TREML2: variants seen among roughly 807,000 people sequenced by gnomAD.
TREML2 encodes the protein triggering receptor expressed on myeloid cells like 2, also known as trem-like transcript 2 protein.
In TREML2, 24 loss-of-function variants were observed where a neutral mutation model predicts 25.9. That is an observed-to-expected ratio of 0.93 (90% CI 0.67 to 1.30). TREML2 has a LOEUF of 1.30. Ranked by LOEUF, TREML2 falls within the 50% of genes most tolerant of loss-of-function variation. The probability of loss-of-function intolerance (pLI) is 0.00; values close to 1 mark genes in which losing one functional copy is unlikely to be tolerated. For missense variants in TREML2, 359 were observed against 395.6 expected (o/e 0.91, Z 0.78); for synonymous variants, 139 against 155.2 (o/e 0.90, Z 0.77).
chr6:41,193,420 C>G (rs1343067862), intron 3 of TREML2, among the ~76,000 whole-genome samples: 1 of 152,134 alleles, frequency 6.6e-6, no homozygotes, highest in East Asian at 1.9e-4. Flanking sequence ...TACTGATAAC[C>G]AATTGGAGTT....
In TREML2 at chr6:41,198,325, C is replaced by A. The variant is rs147506354; in HGVS notation, c.160G>T (p.Val54Phe). 1,560 of 1,614,116 alleles carry A rather than the reference C, an allele frequency of 9.7e-4. 3 individuals are homozygous for A. Among genetic ancestry groups the A allele is most frequent in the Non-Finnish European group, 1.2e-3 (1,445 of 1,180,058 alleles). Residue 54 changes from valine to phenylalanine, a missense_variant, in exon 2 of 5, where the codon GTT (valine) becomes TTT (phenylalanine). Val to Phe is a conservative substitution (Grantham distance 50). Coordinates refer to ENST00000483722, the MANE Select transcript of TREML2 (RefSeq NM_024807.4). Reference sequence around the variant, plus strand: ...TTCTTCTTCCTGATTTTGCACCAAACCTTGCCCTCCACGCGGTTTTTGTAG... The same window carrying A: ...TTCTTCTTCCTGATTTTGCACCAAAACTTGCCCTCCACGCGGTTTTTGTAG... ...KGYKNRVEGK[V>F]WCKIRKKKCE...
At chr6:41,193,245 C>A (rs567494341) in intron 3 of TREML2, among the ~76,000 whole-genome samples, 1 of 152,244 alleles carries the variant, frequency 6.6e-6, no homozygotes, top group African/African-American at 2.4e-5. Flanking sequence ...CCTGTTCCCC[C>A]ACTCTATCCT....
chr6:41,192,397 A>T lies in TREML2; in HGVS notation c.*30T>A. The T allele has an allele frequency of 6.3e-7, 1 of 1,595,514 alleles. No individual in the cohort carries two copies. The highest frequency in any genetic ancestry group is 8.6e-7 in the Non-Finnish European group (1 of 1,164,280). On this transcript the variant is annotated 3_prime_UTR_variant, in exon 5 of 5. Transcript: ENST00000483722. Reference sequence around the variant, plus strand: ...TCTAACCCCCTGGGGCCACTCTGGGAGAAGCTCCCCACCCCATGCTTAAGT... The same window carrying T: ...TCTAACCCCCTGGGGCCACTCTGGGTGAAGCTCCCCACCCCATGCTTAAGT...
At chr6:41,192,995 C>A in intron 3 of TREML2, 94 bp from the exon 4 acceptor site, 1 of 1,034,514 alleles carries the variant, frequency 9.7e-7, no homozygotes, top group Non-Finnish European at 1.4e-6. Flanking sequence ...ACCCTGAGAG[C>A]GTGCCCTTCC....
rs1766040309 is a variant in TREML2 at position 41,190,774 on chromosome 6, A to G, written c.*1653T>C. On this transcript the variant is annotated 3_prime_UTR_variant, in exon 5 of 5. Coordinates refer to ENST00000483722, the MANE Select transcript of TREML2 (RefSeq NM_024807.4). Reference sequence around the variant, plus strand: ...AAGTTCTCTCCTAGTATACAACAGGATGGTGGCTACACCGTCATGATAGGG... The same window carrying G: ...AAGTTCTCTCCTAGTATACAACAGGGTGGTGGCTACACCGTCATGATAGGG... 1 of 152,218 alleles carries G rather than the reference A, an allele frequency of 6.6e-6. No homozygotes were observed. Among genetic ancestry groups the G allele is most frequent in the Admixed American group, 6.5e-5 (1 of 15,282 alleles). 9.4% of individuals were successfully genotyped at this position (152,218 alleles called of 1,614,324 possible).
At chr6:41,199,818 A>T (rs1206466752) in intron 1 of TREML2, among the ~76,000 whole-genome samples, 1 of 152,232 alleles carries the variant, frequency 6.6e-6, no homozygotes, top group Non-Finnish European at 1.5e-5. Context: ...TAGTGGTGTG[A>T]TTAGGTCACC....
rs11271583 is a variant in TREML2, at chr6:41,190,851, G to GTGTCTGTCTGTCTGTCTGTC, written c.*1556_*1575dup. ...GCTAGACAGAGATGGGTGTGTGTGC[G>GTGTCTGTCTGTCTGTCTGTC]TGTCTGTCTGTCTGTCTGTCTGTCT... On this transcript the variant is annotated 3_prime_UTR_variant, in exon 5 of 5. Transcript: ENST00000483722. 2.6e-5 allele frequency: 4 copies of GTGTCTGTCTGTCTGTCTGTC among 151,274 alleles called. No homozygotes were observed. The highest frequency in any genetic ancestry group is 9.8e-5 in the African/African-American group (4 of 40,678). 9.4% of individuals were successfully genotyped at this position (151,274 alleles called of 1,614,324 possible).
rs759022688 is a variant in TREML2, at chr6:41,194,792, T to C, written c.418A>G (p.Asn140Asp). The part of the protein sequence containing the change: ...ERNIPFTHLD[N>D]ILKSGTVTTG... Reference sequence around the variant, plus strand: ...GTGACAGTTCCACTCTTGAGGATGTTGTCCAGATGTGTGAAAGGAATGTTC... The same window carrying C: ...GTGACAGTTCCACTCTTGAGGATGTCGTCCAGATGTGTGAAAGGAATGTTC... The change falls in exon 3 of 5, where the codon AAC (asparagine) becomes GAC (aspartate). Residue 140 changes from asparagine to aspartate, a missense_variant. Physicochemically the swap from Asn to Asp is conservative, Grantham distance 23. Transcript: ENST00000483722. 4.4e-6 allele frequency: 7 copies of C among 1,591,978 alleles called. No homozygotes were observed. In the East Asian group the frequency reaches 1.3e-4, roughly 31 times the overall value.
chr6:41,194,312 G>A, intron 3 of TREML2, 113 bp downstream of exon 3: 1 of 1,102,052 alleles, frequency 9.1e-7, no homozygotes, highest in Non-Finnish European at 1.3e-6. Flanking sequence ...TCAGAAGCAG[G>A]CCACATTGGG....
At position 41,192,862 on chromosome 6, in the gene TREML2, C is replaced by A. The variant is rs1289777606; in HGVS notation, c.825G>T (p.Leu275=). Residue 275 remains leucine, a synonymous_variant, in exon 4 of 5, where the codon CTG becomes CTT. Transcript: ENST00000483722. Reference sequence around the variant, plus strand: ...TGATCAGCATCAGCACCAGGAGGGTCAGCACCACCCCAAGCACAGTGGAGT... The same window carrying A: ...TGATCAGCATCAGCACCAGGAGGGTAAGCACCACCCCAAGCACAGTGGAGT... ...DVYSTVLGVV[L]TLLVLMLIMV... is the part of the protein sequence containing the mutation. 6 of 1,604,052 alleles carry A rather than the reference C, an allele frequency of 3.7e-6. No individual in the cohort carries two copies. In the African/African-American group the frequency reaches 4.0e-5, roughly 11 times the overall value.
intron 1 of TREML2, among the ~76,000 whole-genome samples, chr6:41,199,064 A>G (rs910336634): frequency 3.3e-5 from 5 of 152,128 alleles, no homozygotes; most frequent in African/African-American, 9.7e-5. Context: ...GGATTTCACC[A>G]TGTTAGCCAG....
Position 41,198,438 on chromosome 6 carries a change from A to G in TREML2, c.56-9T>C, listed in dbSNP as rs1264480368. The G allele has an allele frequency of 5.6e-6, 9 of 1,599,222 alleles. No individual in the cohort carries two copies. In the East Asian group the frequency reaches 2.0e-4, roughly 36 times the overall value. ...ACTGTCAGCAGAGGGGCCTGTGGAG[A>G]CAATACTTATTGAATAAGGTCTGGC... On this transcript the variant is annotated splice_polypyrimidine_tract_variant and intron_variant, in intron 1 of 4. Coordinates refer to ENST00000483722, the MANE Select transcript of TREML2 (RefSeq NM_024807.4).
chr6:41,198,728 G>A (rs1766223244), intron 1 of TREML2, among the ~76,000 whole-genome samples: 1 of 152,214 alleles, frequency 6.6e-6, no homozygotes, highest in Admixed American at 6.5e-5. Context: ...CAGTCTAATG[G>A]AGGAAACGCA....
chr6:41,195,327 C>A (rs918855109), intron 2 of TREML2, among the ~76,000 whole-genome samples: 2 of 152,180 alleles, frequency 1.3e-5, no homozygotes, highest in Admixed American at 6.5e-5. Flanking sequence ...TAAGAGATAT[C>A]AAACTGGTCC....
At chr6:41,199,814 T>C (rs1460674675) in intron 1 of TREML2, among the ~76,000 whole-genome samples, 1 of 152,260 alleles carries the variant, frequency 6.6e-6, no homozygotes, top group African/African-American at 2.4e-5. Context: ...CACTTAGTGG[T>C]GTGATTAGGT....
rs1002240858 is a variant in TREML2 at position 41,190,703 on chromosome 6, G to A, written c.*1724C>T. 2.0e-5 allele frequency: 3 copies of A among 152,250 alleles called. No individual in the cohort carries two copies. Among genetic ancestry groups the A allele is most frequent in the African/African-American group, 7.2e-5 (3 of 41,438 alleles). The allele number at this position is 152,250 out of a possible 1,614,324, so 9.4% of individuals were successfully genotyped here. On this transcript the variant is annotated 3_prime_UTR_variant, in exon 5 of 5. Coordinates refer to ENST00000483722, the MANE Select transcript of TREML2 (RefSeq NM_024807.4). ...ACTCAGAGGAAGCAGGGCCATCAGTGGTACTGGTGCCAGCTCTTGGGGAGC... is the reference window on the plus strand; with the variant it reads ...ACTCAGAGGAAGCAGGGCCATCAGTAGTACTGGTGCCAGCTCTTGGGGAGC...
At chr6:41,195,082 C>T (rs922898965) in intron 2 of TREML2, among the ~76,000 whole-genome samples, 1 of 152,184 alleles carries the variant, frequency 6.6e-6, no homozygotes, top group African/African-American at 2.4e-5. Context: ...TTTTCCCTCC[C>T]GTGTCAGGCC....
At position 41,194,767 on chromosome 6, in the gene TREML2, G is replaced by T. The variant is rs770766858; in HGVS notation, c.443C>A (p.Thr148Lys). 1.9e-6 allele frequency: 3 copies of T among 1,612,070 alleles called. No individual in the cohort carries two copies. Among genetic ancestry groups the T allele is most frequent in the Admixed American group, 1.7e-5 (1 of 59,806 alleles). The change falls in exon 3 of 5, where the codon ACA (threonine) becomes AAA (lysine). Residue 148 changes from threonine (T) to lysine (K), a missense_variant. By Grantham distance (78) the Thr-to-Lys change is moderately conservative (BLOSUM62 -1). Transcript: ENST00000483722. ...LDNILKSGTVTTGQAPTSGPD... is the reference protein window; with the variant it reads ...LDNILKSGTVKTGQAPTSGPD... ...GCCTGAGGTAGGGGCTTGGCCAGTT[G>T]TGACAGTTCCACTCTTGAGGATGTT... is the stretch of plus-strand genomic sequence containing the variant.
At chr6:41,194,013 C>G (rs1170189472) in intron 3 of TREML2, among the ~76,000 whole-genome samples, 1 of 146,708 alleles carries the variant, frequency 6.8e-6, no homozygotes. Context: ...CTCCTCTCTG[C>G]TGACACTTCC....
Sources: gnomAD v4.1 joint callset for allele counts (sites outside exome capture counted in the v4.1 genomes callset) on GRCh38, gnomAD v4.1.1 for gene constraint, MANE v1.5 for transcripts, NCBI Gene and HGNC (gene_info 2026-07-23, HGNC 2026-07-21) for gene names.